The following SYF2 variants were observed in gnomAD, a reference collection of about 807,000 sequenced individuals.
SYF2 encodes SYF2 pre-mRNA splicing factor, also known as pre-mRNA-splicing factor SYF2.
A neutral mutation model predicts 32.7 loss-of-function variants in SYF2; 21 were observed. That is an observed-to-expected ratio of 0.64 (90% CI 0.45 to 0.92). The LOEUF is 0.92. Ranked by LOEUF, SYF2 falls within the 40% of genes least tolerant of loss-of-function variation. The pLI is 0.00. For missense variants in SYF2, 278 were observed against 296.5 expected (o/e 0.94, Z 0.46); for synonymous variants, 114 against 103.9 (o/e 1.10, Z -0.59).
rs753063095 is a variant in SYF2, at chr1:25,232,200, G to A, written c.36C>T (p.Asp12=). Residue 12 remains aspartate (D), a synonymous_variant, in exon 2 of 7, where the codon GAC becomes GAT. Transcript: ENST00000236273. ...AAIAASEVLV[D]SAEEGSLAAA... ...CAGCGAGGGACCCCTCCTCCGCGCTGTCCACCAGCACCTGCGACAAGGAGA... is the reference window on the plus strand; with the variant it reads ...CAGCGAGGGACCCCTCCTCCGCGCTATCCACCAGCACCTGCGACAAGGAGA... 1 of 1,613,536 alleles carries A rather than the reference G, an allele frequency of 6.2e-7. No homozygotes were observed. The highest frequency in any genetic ancestry group is 1.7e-5 in the Admixed American group (1 of 59,982).
intron 5 of SYF2, 143 bp from the exon 6 acceptor site, chr1:25,225,243 A>T (rs1638483798): frequency 1.6e-6 from 1 of 634,998 alleles, no homozygotes; most frequent in Non-Finnish European, 2.8e-6. Flanking sequence ...AAAAAAACAT[A>T]CAGGCTGGGT....
At chr1:25,228,887 C>A in intron 3 of SYF2, 111 bp downstream of exon 3, 5 of 1,345,098 alleles carry the variant, frequency 3.7e-6, no homozygotes, top group Admixed American at 2.4e-5. Context: ...GCCAGAATTT[C>A]AATTCTGGCA....
chr1:25,222,879 G>C lies in SYF2; in HGVS notation c.*387C>G, dbSNP rs1638435681. The C allele has an allele frequency of 6.2e-6, 1 of 161,156 alleles. No homozygotes were observed. Among genetic ancestry groups the C allele is most frequent in the East Asian group, 1.8e-4 (1 of 5,688 alleles). The allele number at this position is 161,156 out of a possible 1,614,324, so 10.0% of individuals were successfully genotyped here. On this transcript the variant is annotated 3_prime_UTR_variant, in exon 7 of 7. Coordinates refer to ENST00000236273, the MANE Select transcript of SYF2 (RefSeq NM_015484.5). ...GAGTACACAACTCCAAGTGGCCCGAGTCTAGACTCTATCAAATTCCACACT... is the reference window on the plus strand; with the variant it reads ...GAGTACACAACTCCAAGTGGCCCGACTCTAGACTCTATCAAATTCCACACT...
At chr1:25,231,126 T>C (rs568098644) in intron 2 of SYF2, 4 of 152,326 alleles carry the variant, frequency 2.6e-5, no homozygotes, top group African/African-American at 7.2e-5. Flanking sequence ...CATTTTTATA[T>C]AGGAGGCAGA....
rs1472249243 is a variant in SYF2, at chr1:25,232,211, C to T, written c.25G>A (p.Val9Met). Reference sequence around the variant, plus strand: ...CCCTCCTCCGCGCTGTCCACCAGCACCTGCGACAAGGAGAACTGGCTTCAG... The same window carrying T: ...CCCTCCTCCGCGCTGTCCACCAGCATCTGCGACAAGGAGAACTGGCTTCAG... MAAIAASE[V>M]LVDSAEEGSL... The change falls in exon 2 of 7, where the codon GTG becomes ATG. Residue 9 changes from valine to methionine, a missense_variant and splice_region_variant. Physicochemically the swap from Val to Met is conservative, Grantham distance 21 (BLOSUM62 1). Transcript: ENST00000236273. 1 of 1,613,108 alleles carries T rather than the reference C, an allele frequency of 6.2e-7. No individual in the cohort carries two copies. The highest frequency in any genetic ancestry group is 8.5e-7 in the Non-Finnish European group (1 of 1,179,842).
intron 5 of SYF2, 109 bp downstream of exon 5, chr1:25,227,333 T>G: frequency 3.4e-6 from 3 of 894,870 alleles, no homozygotes; most frequent in Admixed American, 2.6e-5. Context: ...CTTAGACAAC[T>G]ATTAATAACC....
intron 5 of SYF2, among the ~76,000 whole-genome samples, chr1:25,225,958 C>T (rs796240120): frequency 5.9e-5 from 9 of 151,700 alleles, no homozygotes; most frequent in Non-Finnish European, 2.9e-5. Context: ...GAGTTCAAGA[C>T]CAGCCTGGCC....
Position 25,229,055 on chromosome 1 carries a change from A to G in SYF2, c.201T>C (p.Asn67=), listed in dbSNP as rs900049847. The part of the protein sequence containing the change: ...EEDKRLKLPA[N]WEAKKARLEW... ...CCAAACGAGCTTTTTTGGCTTCCCA[A>G]TTTGCAGGTAATTTTAGTCTTTTAT... Residue 67 remains asparagine (N), a synonymous_variant, in exon 3 of 7, where the codon AAT becomes AAC. Transcript: ENST00000236273. The G allele has an allele frequency of 1.9e-6, 3 of 1,613,854 alleles. No individual in the cohort carries two copies. The highest frequency in any genetic ancestry group is 1.1e-5 in the South Asian group (1 of 91,034).
rs534193476 is a variant in SYF2, at chr1:25,223,098, C to T, written c.*168G>A. 32 of 551,082 alleles carry T rather than the reference C, an allele frequency of 5.8e-5. No homozygotes were observed. In the East Asian group the frequency reaches 8.4e-4, roughly 14 times the overall value. The allele number at this position is 551,082 out of a possible 1,614,324, so 34.1% of individuals were successfully genotyped here. ...CCAAGCACAAAAATGTGGAAATATA[C>T]ATGAAAGGATATACGTTTAAGAAAC... On this transcript the variant is annotated 3_prime_UTR_variant, in exon 7 of 7. Coordinates refer to ENST00000236273, the MANE Select transcript of SYF2 (RefSeq NM_015484.5).
intron 2 of SYF2, among the ~76,000 whole-genome samples, chr1:25,229,500 T>G (rs1638584137): frequency 6.6e-6 from 1 of 152,128 alleles, no homozygotes; most frequent in South Asian, 2.1e-4. Context: ...ATTGGCCAGG[T>G]GCAGTGGATC....
chr1:25,232,360 C>G, intron 1 of SYF2, 84 bp downstream of exon 1: 2 of 1,610,162 alleles, frequency 1.2e-6, no homozygotes, highest in Admixed American at 3.3e-5. Context: ...TGAAGCGAAA[C>G]TAGACTTCGC....
At chr1:25,232,036 G>T (rs768502890) in intron 2 of SYF2, 68 bp downstream of exon 2, 1 of 1,481,524 alleles carries the variant, frequency 6.7e-7, no homozygotes, top group Non-Finnish European at 9.3e-7. Flanking sequence ...TGGCTTCCTC[G>T]TCCCCTCTAC....
chr1:25,232,245 G>T, intron 1 of SYF2, 34 bp from the exon 2 acceptor site: 1 of 1,597,054 alleles, frequency 6.3e-7, no homozygotes, highest in Non-Finnish European at 8.5e-7. Context: ...AGGCAGAGCC[G>T]GCTCAGCTTC....
intron 5 of SYF2, 123 bp from the exon 6 acceptor site, chr1:25,225,223 A>AT (rs536966645): frequency 2.9e-4 from 196 of 672,404 alleles, no homozygotes; most frequent in South Asian, 4.3e-4. Flanking sequence ...TCCTACTTTA[A>AT]TTTTTTTTTA....
At chr1:25,224,620 C>T (rs945361688) in intron 6 of SYF2, among the ~76,000 whole-genome samples, 1 of 152,156 alleles carries the variant, frequency 6.6e-6, no homozygotes, top group East Asian at 1.9e-4. Context: ...TTCTGCTCTA[C>T]CTAATAGTCG....
At chr1:25,224,551 C>A (rs934081869) in intron 6 of SYF2, among the ~76,000 whole-genome samples, 2 of 152,158 alleles carry the variant, frequency 1.3e-5, no homozygotes. Flanking sequence ...AGCCACCACG[C>A]CCAGCCCAGA....
intron 6 of SYF2, among the ~76,000 whole-genome samples, chr1:25,223,833 AG>A (rs1203738191): frequency 1.3e-5 from 2 of 152,136 alleles, no homozygotes; most frequent in East Asian, 3.8e-4. Flanking sequence ...TGGACAACAT[AG>A]GAAGACTCCA....
At chr1:25,223,594 T>C (rs1478884696) in intron 6 of SYF2, among the ~76,000 whole-genome samples, 163 bp from the exon 7 acceptor site, 1 of 152,196 alleles carries the variant, frequency 6.6e-6, no homozygotes, top group African/African-American at 2.4e-5. Flanking sequence ...ACTGAATTAA[T>C]GGCACAACTC....
chr1:25,232,007 T>C, intron 2 of SYF2, 97 bp downstream of exon 2: 1 of 1,202,488 alleles, frequency 8.3e-7, no homozygotes, highest in Non-Finnish European at 1.2e-6. Context: ...GCTCTGTTGG[T>C]CTGTCAGACG....
Sources: allele counts gnomAD v4.1 joint callset (sites outside exome capture counted in the v4.1 genomes callset), GRCh38; gene constraint gnomAD v4.1.1; transcripts MANE v1.5; gene names NCBI Gene and HGNC (gene_info 2026-07-23, HGNC 2026-07-21).